The following BLOC1S5 variants were observed in gnomAD, a reference collection of about 807,000 sequenced individuals.
The protein encoded by BLOC1S5 is biogenesis of lysosome-related organelles complex 1 subunit 5.
BLOC1S5 carries 27 observed loss-of-function variants against 24.3 expected under a neutral mutation model. That is an observed-to-expected ratio of 1.11 (90% CI 0.82 to 1.53). BLOC1S5 has a LOEUF of 1.53. Among genes scored for constraint, BLOC1S5 ranks in the 40% most tolerant of loss-of-function variants. The pLI, the probability that BLOC1S5 is intolerant of heterozygous loss-of-function variation, is 0.00. For missense variants in BLOC1S5, 239 were observed against 229.4 expected (o/e 1.04, Z -0.27); for synonymous variants, 84 against 74.5 (o/e 1.13, Z -0.66).
chr6:8,055,236 C>A (rs1764268218), intron 2 of BLOC1S5, among the ~76,000 whole-genome samples: 2 of 152,268 alleles, frequency 1.3e-5, no homozygotes, highest in African/African-American at 4.8e-5. Flanking sequence ...GTTTTTGAGA[C>A]CAGCCTGGCC....
At chr6:8,062,653 C>T (rs892277009) in intron 1 of BLOC1S5, 37 bp from the exon 2 acceptor site, 4 of 1,365,930 alleles carry the variant, frequency 2.9e-6, no homozygotes, top group Admixed American at 2.0e-5. Flanking sequence ...TTAATCCATG[C>T]TAAATGGCAT....
chr6:8,021,201 A>G (rs953283183), intron 4 of BLOC1S5, among the ~76,000 whole-genome samples: 1 of 152,250 alleles, frequency 6.6e-6, no homozygotes, highest in African/African-American at 2.4e-5. Context: ...AGAGCAGTCA[A>G]ATTCATAGAG....
chr6:8,040,928 C>T (rs903854733), intron 3 of BLOC1S5, among the ~76,000 whole-genome samples: 1 of 152,028 alleles, frequency 6.6e-6, no homozygotes, highest in Non-Finnish European at 1.5e-5. Flanking sequence ...CAGATTGTCT[C>T]GTGTACCACA....
intron 4 of BLOC1S5, chr6:8,017,711 T>C (rs139048765): frequency 6.6e-6 from 1 of 152,318 alleles, no homozygotes; most frequent in African/African-American, 2.4e-5. Flanking sequence ...GCCTCTCCTT[T>C]AAGACGACAT....
At position 8,041,352 on chromosome 6, in the gene BLOC1S5, G is replaced by A. The variant is rs1035670460; in HGVS notation, c.196-84C>T. ...TTTTGAAATGGAGTCTCGCTCTGTC[G>A]CCCAGACTGGAGTGCGGTGGTGTGA... On this transcript the variant is annotated intron_variant, in intron 2 of 4. Transcript: ENST00000397457. The A allele has an allele frequency of 1.7e-5, 22 of 1,297,718 alleles. No individual in the cohort carries two copies. In the African/African-American group the frequency reaches 2.4e-4, roughly 14 times the overall value. 80.4% of individuals were successfully genotyped at this position (1,297,718 alleles called of 1,614,324 possible).
chr6:8,016,818 T>A (rs1461685231), intron 4 of BLOC1S5, among the ~76,000 whole-genome samples: 1 of 145,428 alleles, frequency 6.9e-6, no homozygotes. Flanking sequence ...GAGACAGAGG[T>A]TGCAGTGAGA....
At chr6:8,039,772 G>GAAC (rs1159164369) in intron 3 of BLOC1S5, among the ~76,000 whole-genome samples, 1 of 152,140 alleles carries the variant, frequency 6.6e-6, no homozygotes, top group Admixed American at 6.5e-5. Context: ...ATACCACAGT[G>GAAC]AACAACAACA....
At chr6:8,034,936 C>CAT (rs1350727274) in intron 3 of BLOC1S5, among the ~76,000 whole-genome samples, 1 of 151,598 alleles carries the variant, frequency 6.6e-6, no homozygotes, top group Admixed American at 6.6e-5. Context: ...GTGATATATA[C>CAT]ATATATATAC....
intron 4 of BLOC1S5, 85 bp from the exon 5 acceptor site, chr6:8,015,913 C>G: frequency 7.9e-7 from 1 of 1,264,094 alleles, no homozygotes; most frequent in Non-Finnish European, 1.1e-6. Flanking sequence ...GTTACCGTAA[C>G]AATCAGCTGG....
intron 2 of BLOC1S5, among the ~76,000 whole-genome samples, chr6:8,047,145 C>G (rs1763929234): frequency 1.8e-5 from 1 of 54,610 alleles, no homozygotes; most frequent in South Asian, 5.7e-4. Context: ...AAGACCACCT[C>G]TCTCTCTCTC....
chr6:8,030,855 G>C (rs1291704933), intron 3 of BLOC1S5, among the ~76,000 whole-genome samples: 1 of 51,972 alleles, frequency 1.9e-5, no homozygotes, highest in African/African-American at 5.8e-5. Flanking sequence ...CTGAGCAACA[G>C]ACCAACAGTC....
At chr6:8,036,263 A>C (rs2113551207) in intron 3 of BLOC1S5, among the ~76,000 whole-genome samples, 1 of 152,274 alleles carries the variant, frequency 6.6e-6, no homozygotes, top group Non-Finnish European at 1.5e-5. Context: ...CCTGTATCAG[A>C]AAAATAGAAA....
intron 2 of BLOC1S5, among the ~76,000 whole-genome samples, chr6:8,060,865 C>A (rs757259830): frequency 6.6e-6 from 1 of 152,074 alleles, no homozygotes; most frequent in Admixed American, 6.6e-5. Flanking sequence ...TGCTCCATCG[C>A]CAGGGCTGGA....
intron 2 of BLOC1S5, among the ~76,000 whole-genome samples, chr6:8,043,838 TG>T (rs1333909217): frequency 6.6e-6 from 1 of 152,060 alleles, no homozygotes; most frequent in East Asian, 1.9e-4. Flanking sequence ...AATTCCCACA[TG>T]TTGTGGGAGG....
At position 8,046,953 on chromosome 6, in the gene BLOC1S5, T is replaced by A. The variant is rs577256770; in HGVS notation, c.196-5685A>T. Among the ~76,000 whole-genome samples, 12 of 151,962 alleles carry A rather than the reference T, an allele frequency of 7.9e-5. No individual in the cohort carries two copies. The East Asian group carries it at 1.8e-3, about 22-fold the overall frequency. On this transcript the variant is annotated intron_variant, in intron 2 of 4. Transcript: ENST00000397457. ...CCACACCTGGCTCATTTTTCTTTTT[T>A]AAAAATTTTTTGTAGAGACAGGCTC...
intron 2 of BLOC1S5, among the ~76,000 whole-genome samples, chr6:8,042,728 G>A (rs1459096714): frequency 6.6e-6 from 1 of 152,152 alleles, no homozygotes; most frequent in Non-Finnish European, 1.5e-5. Flanking sequence ...GTAGATCAGG[G>A]AAGCAAAAAG....
chr6:8,064,359 T>C lies in BLOC1S5; in HGVS notation c.18A>G (p.Thr6=), dbSNP rs372912397. Residue 6 remains threonine, a synonymous_variant, in exon 1 of 5, where the codon ACA becomes ACG. Transcript: ENST00000397457. ...CGGCCTCACAACCCACAGGGGTCTC[T>C]GTCCCTCCGCCACTCATCCCGACCA... MSGGG[T]ETPVGCEAAP... The C allele has an allele frequency of 6.8e-6, 11 of 1,610,930 alleles. No individual in the cohort carries two copies. The highest frequency in any genetic ancestry group is 8.5e-6 in the Non-Finnish European group (10 of 1,179,748).
intron 2 of BLOC1S5, among the ~76,000 whole-genome samples, chr6:8,051,932 C>T (rs567351051): frequency 2.0e-5 from 3 of 148,422 alleles, no homozygotes; most frequent in African/African-American, 2.5e-5. Flanking sequence ...CAAGAAGATG[C>T]GTGTTGTTAT....
intron 2 of BLOC1S5, among the ~76,000 whole-genome samples, chr6:8,049,921 G>T (rs150013660): frequency 1.3e-5 from 2 of 151,880 alleles, no homozygotes; most frequent in African/African-American, 4.8e-5. Context: ...ATGTTGCCCA[G>T]GGCTGGTCTC....
Sources: allele counts gnomAD v4.1 joint callset (sites outside exome capture counted in the v4.1 genomes callset), GRCh38; gene constraint gnomAD v4.1.1; transcripts MANE v1.5; gene names NCBI Gene and HGNC (gene_info 2026-07-23, HGNC 2026-07-21).